NID1: variants seen among roughly 807,000 people sequenced by gnomAD.
The protein encoded by NID1 is nidogen 1.
In NID1, 76 loss-of-function variants were observed where a neutral mutation model predicts 130.6. That is an observed-to-expected ratio of 0.58 (90% CI 0.48 to 0.70). The LOEUF (loss-of-function observed/expected upper bound fraction) is 0.70. NID1 is among the 30% of genes least tolerant of loss of function. NID1 has a pLI of 0.00. For synonymous variants in NID1, 665 were observed against 675.1 expected (o/e 0.98, Z 0.23); for missense variants, 1,517 against 1,664.8 (o/e 0.91, Z 1.54).
At position 235,979,895 on chromosome 1, in the gene NID1, C is replaced by A. The variant is rs775558151; in HGVS notation, c.3436G>T (p.Ala1146Ser). 3 of 1,614,152 alleles carry A rather than the reference C, an allele frequency of 1.9e-6. No homozygotes were observed. The highest frequency in any genetic ancestry group is 2.7e-5 in the African/African-American group (2 of 75,054). Residue 1146 changes from alanine to serine, a missense_variant, in exon 18 of 20, where the codon GCT becomes TCT. Physicochemically the swap from Ala to Ser is moderately conservative, Grantham distance 99 (BLOSUM62 1). Around this residue, in one of 3 missense-constraint regions of NID1, gnomAD observed 181 missense variants for 211.3 expected, o/e 0.86. Transcript: ENST00000264187. The surrounding 1 kb of genome is among the most constrained non-coding windows in gnomAD (Gnocchi z 4.6). ...AAAGGATACTGGAGCCCTTCGAGAG[C>A]CTTGCGTCTGCTGGGCTGACTGGGG... ...LNPSQPSRRK[A>S]LEGLQYPFAV...
In NID1 at chr1:236,048,941, A is replaced by T; in HGVS notation, c.274T>A (p.Ser92Thr). Reference sequence around the variant, plus strand: ...GTTGGTGGGAAGAGCCCGGGATGGGATTCTTTGGCCGGGGGTTCACTCGTA... The same window carrying T: ...GTTGGTGGGAAGAGCCCGGGATGGGTTTCTTTGGCCGGGGGTTCACTCGTA... ...IATSEPPAKE[S>T]HPGLFPPTFG... The change falls in exon 2 of 20, where the codon TCC (serine) becomes ACC (threonine). Residue 92 changes from serine (S) to threonine (T), a missense_variant. Ser to Thr is a moderately conservative substitution (Grantham distance 58, BLOSUM62 1). This residue lies in a region of NID1 where 1,329 missense variants were observed against 1,429.2 expected (regional missense o/e 0.93). Coordinates refer to ENST00000264187, the MANE Select transcript of NID1 (RefSeq NM_002508.3). 1 of 1,614,102 alleles carries T rather than the reference A, an allele frequency of 6.2e-7. No homozygotes were observed. Among genetic ancestry groups the T allele is most frequent in the Non-Finnish European group, 8.5e-7 (1 of 1,180,008 alleles).
In NID1 at chr1:236,019,531, T is replaced by C. The variant is rs568773497; in HGVS notation, c.2129-2258A>G. 4.6e-5 allele frequency among the ~76,000 whole-genome samples: 7 copies of C among 152,316 alleles called. No homozygotes were observed. In the South Asian group the frequency reaches 1.5e-3, roughly 32 times the overall value. ...TTCTATGTGACCAGGCTCTTCTCTC[T>C]AGCCCTACCTGAAAAGCTATTGACA... On this transcript the variant is annotated intron_variant, in intron 9 of 19. Coordinates refer to ENST00000264187, the MANE Select transcript of NID1 (RefSeq NM_002508.3).
intron 1 of NID1, among the ~76,000 whole-genome samples, chr1:236,061,735 A>C (rs1660043335): frequency 6.6e-6 from 1 of 152,038 alleles, no homozygotes; most frequent in South Asian, 2.1e-4. Flanking sequence ...AACAATTAAA[A>C]AAAAAACACG....
intron 1 of NID1, among the ~76,000 whole-genome samples, chr1:236,052,726 G>A (rs930356726): frequency 6.6e-6 from 1 of 152,160 alleles, no homozygotes; most frequent in Non-Finnish European, 1.5e-5. Context: ...CTATGCCAAA[G>A]TCGGGTGAAC....
intron 9 of NID1, among the ~76,000 whole-genome samples, chr1:236,021,820 C>G (rs1658773615): frequency 6.6e-6 from 1 of 152,168 alleles, no homozygotes; most frequent in Non-Finnish European, 1.5e-5. Flanking sequence ...GACTGACTTC[C>G]CCTTGGCAGT....
chr1:235,990,755 C>G, intron 14 of NID1, 131 bp downstream of exon 14: 1 of 925,414 alleles, frequency 1.1e-6, no homozygotes, highest in Non-Finnish European at 1.7e-6. Flanking sequence ...AGATGGTCAC[C>G]CAGGACTACA....
At chr1:236,023,468 G>A (rs1658825778) in intron 9 of NID1, among the ~76,000 whole-genome samples, 1 of 152,196 alleles carries the variant, frequency 6.6e-6, no homozygotes, top group Non-Finnish European at 1.5e-5. Flanking sequence ...AGGGGGAAAT[G>A]TGAGTTGTTG....
In NID1 at chr1:235,979,051, G is replaced by C; in HGVS notation, c.3566C>G (p.Pro1189Arg). Reference protein sequence around the residue: ...AISKETDAFQPHKQTRLYGIT... With the variant: ...AISKETDAFQRHKQTRLYGIT... ...GCCATACAGCCGGGTCTGCTTGTGG[G>C]GTTGGAAAGCATCCGTCTCCTTGGA... Residue 1189 changes from proline (P) to arginine (R), a missense_variant, in exon 19 of 20, where the codon CCC becomes CGC. By Grantham distance (103) the Pro-to-Arg change is moderately radical. Around this residue, in one of 3 missense-constraint regions of NID1, gnomAD observed 181 missense variants for 211.3 expected, o/e 0.86. Transcript: ENST00000264187. The surrounding 1 kb of genome is among the most constrained non-coding windows in gnomAD (Gnocchi z 4.6). 6.2e-7 allele frequency: 1 copy of C among 1,614,052 alleles called. No individual in the cohort carries two copies. Among genetic ancestry groups the C allele is most frequent in the South Asian group, 1.1e-5 (1 of 91,078 alleles).
intron 1 of NID1, 130 bp from the exon 2 acceptor site, chr1:236,049,119 T>A (rs1169482698): frequency 3.0e-6 from 3 of 997,302 alleles, no homozygotes; most frequent in African/African-American, 3.3e-5. Flanking sequence ...CTGAGAAAGA[T>A]ACGAGCCTGA....
At chr1:236,034,442 A>G (rs1659192957) in intron 5 of NID1, among the ~76,000 whole-genome samples, 1 of 151,754 alleles carries the variant, frequency 6.6e-6, no homozygotes, top group South Asian at 2.1e-4. Context: ...AAAAAAAGAA[A>G]GAAAGAAAAA....
At position 236,052,162 on chromosome 1, in the gene NID1, G is replaced by A. The variant is rs561705588; in HGVS notation, c.226-3173C>T. 2.6e-5 allele frequency among the ~76,000 whole-genome samples: 4 copies of A among 152,314 alleles called. No homozygotes were observed. The South Asian group carries it at 8.3e-4, about 32-fold the overall frequency. The stretch of plus-strand genomic sequence containing the variant: ...TCTCCCTTGTAAACTTCATTTTCCT[G>A]GAAGTAACAGTTAATAGCAAAGTTG... On this transcript the variant is annotated intron_variant, in intron 1 of 19. Coordinates refer to ENST00000264187, the MANE Select transcript of NID1 (RefSeq NM_002508.3).
Position 236,024,429 on chromosome 1 carries a change from C to T in NID1, c.1985-216G>A, listed in dbSNP as rs569121579. 8.5e-5 allele frequency among the ~76,000 whole-genome samples: 13 copies of T among 152,342 alleles called. 1 individual carries two copies. The highest frequency in any genetic ancestry group is 2.1e-4 in the South Asian group (1 of 4,830). ...ATAAAGTTTTATTAGCAACCAGCAA[C>T]GTCCATTTATTTATGTATGGTCTAT... On this transcript the variant is annotated intron_variant, in intron 8 of 19. Coordinates refer to ENST00000264187, the MANE Select transcript of NID1 (RefSeq NM_002508.3).
At chr1:236,028,489 C>T (rs942026625) in intron 7 of NID1, among the ~76,000 whole-genome samples, 3 of 152,140 alleles carry the variant, frequency 2.0e-5, no homozygotes, top group African/African-American at 7.2e-5. Context: ...GCTTGGGCGA[C>T]AGAGTGAGGG....
At position 235,993,658 on chromosome 1, in the gene NID1, C is replaced by G; in HGVS notation, c.2742G>C (p.Gly914=). The G allele has an allele frequency of 1.9e-6, 3 of 1,556,378 alleles. No homozygotes were observed. Among genetic ancestry groups the G allele is most frequent in the Non-Finnish European group, 2.6e-6 (3 of 1,144,942 alleles). Residue 914 remains glycine, a synonymous_variant, in exon 13 of 20, where the codon GGG becomes GGC. Transcript: ENST00000264187. ...REVEGTRTRP[G]MTPPCLSTVA... is the part of the protein sequence containing the mutation. ...GCACCCACTTACACGGGGGCGTCATCCCGGGCCTGGTCCTGGTGCCCTCCA... is the reference window on the plus strand; with the variant it reads ...GCACCCACTTACACGGGGGCGTCATGCCGGGCCTGGTCCTGGTGCCCTCCA...
chr1:236,000,883 A>C (rs1482073688), intron 12 of NID1, among the ~76,000 whole-genome samples: 1 of 152,192 alleles, frequency 6.6e-6, no homozygotes, highest in Non-Finnish European at 1.5e-5. Context: ...CTCTGGAAAG[A>C]GACGACATGC....
At chr1:236,013,360 T>A in intron 11 of NID1, 51 bp downstream of exon 11, 1 of 1,603,072 alleles carries the variant, frequency 6.2e-7, no homozygotes, top group Non-Finnish European at 8.5e-7. Context: ...AGGTACCACC[T>A]AGGAAACTTT....
intron 8 of NID1, among the ~76,000 whole-genome samples, chr1:236,025,270 T>A (rs10927286): frequency 0.27 from 39,884 of 147,852 alleles, 5,887 homozygotes; most frequent in Non-Finnish European, 0.32. Context: ...TCTCTTTTTT[T>A]TTTTTTTTTG....
intron 7 of NID1, among the ~76,000 whole-genome samples, chr1:236,028,250 T>G (rs187758482): frequency 1.1e-4 from 17 of 152,314 alleles, no homozygotes; most frequent in African/African-American, 3.8e-4. Context: ...CGATTTGACA[T>G]TAACTGAAAA....
chr1:235,997,600 AC>A (rs1371154299), intron 12 of NID1, among the ~76,000 whole-genome samples: 34 of 134,922 alleles, frequency 2.5e-4, no homozygotes, highest in Non-Finnish European at 4.6e-4. Context: ...CAGTTCCATT[AC>A]TTTTTTTTTT....
Sources: gnomAD v4.1 joint callset for allele counts (sites outside exome capture counted in the v4.1 genomes callset) on GRCh38, gnomAD v4.1.1 for gene constraint, gnomAD v4.1.1 regional missense constraint, Gnocchi (gnomAD v3.1) non-coding constraint, MANE v1.5 for transcripts, NCBI Gene and HGNC (gene_info 2026-07-23, HGNC 2026-07-21) for gene names.